The following RNF6 variants were observed in gnomAD, a reference collection of about 807,000 sequenced individuals.
RNF6 encodes E3 ubiquitin-protein ligase RNF6.
RNF6 carries 21 observed loss-of-function variants against 50.1 expected under a neutral mutation model. That is an observed-to-expected ratio of 0.42 (90% CI 0.30 to 0.60). The LOEUF is 0.60. Ranked by LOEUF, RNF6 falls within the 20% of genes least tolerant of loss-of-function variation. The probability of loss-of-function intolerance (pLI) is 0.20; values close to 1 mark genes in which losing one functional copy is unlikely to be tolerated. For missense variants in RNF6, 698 were observed against 838.2 expected (o/e 0.83, Z 2.07); for synonymous variants, 255 against 291.8 (o/e 0.87, Z 1.29).
chr13:26,167,915 G>A (rs1307407650), intron 5 of RNF6, among the ~76,000 whole-genome samples: 1 of 152,120 alleles, frequency 6.6e-6, no homozygotes, highest in Admixed American at 6.5e-5. Context: ...TGGAACTGAA[G>A]GCTATTATCC....
At chr13:26,143,926 A>T (rs1325529231) in intron 5 of RNF6, among the ~76,000 whole-genome samples, 1 of 152,192 alleles carries the variant, frequency 6.6e-6, no homozygotes, top group African/African-American at 2.4e-5. Flanking sequence ...CACAGATGGT[A>T]GTTTTGGCAG....
chr13:26,151,991 C>T (rs1209250277), intron 5 of RNF6, among the ~76,000 whole-genome samples: 1 of 152,124 alleles, frequency 6.6e-6, no homozygotes, highest in Non-Finnish European at 1.5e-5. Flanking sequence ...ACTGCCACTG[C>T]CTTCTCACTG....
chr13:26,202,674 C>T (rs1868940539), intron 5 of RNF6, among the ~76,000 whole-genome samples: 1 of 152,046 alleles, frequency 6.6e-6, no homozygotes, highest in Non-Finnish European at 1.5e-5. Context: ...TTAACTGATC[C>T]CCAGAAGAAC....
intron 5 of RNF6, among the ~76,000 whole-genome samples, chr13:26,172,938 A>C (rs1240117072): frequency 6.6e-6 from 1 of 152,214 alleles, no homozygotes; most frequent in Non-Finnish European, 1.5e-5. Context: ...AATTACTAAA[A>C]AAAAATAGAA....
intron 5 of RNF6, among the ~76,000 whole-genome samples, chr13:26,187,002 C>A (rs911248098): frequency 6.6e-6 from 1 of 152,124 alleles, no homozygotes; most frequent in Non-Finnish European, 1.5e-5. Context: ...TGGTCTCGAT[C>A]TCCTGACTTC....
rs1872830264 is a variant in RNF6 at position 26,174,012 on chromosome 13, GT to G, written n.768+41461del. ...CAAATATAACAAAATGTTAAAAGTTGTTTATTCTTAATGGTGAGAATATGAG... is the reference window on the plus strand; with the variant it reads ...CAAATATAACAAAATGTTAAAAGTTGTTATTCTTAATGGTGAGAATATGAG... On this transcript the variant is annotated intron_variant and non_coding_transcript_variant, in intron 5 of 5. Transcript: ENST00000468480. 2.0e-5 allele frequency among the ~76,000 whole-genome samples: 3 copies of G among 151,630 alleles called. No homozygotes were observed. In the South Asian group the frequency reaches 6.2e-4, roughly 32 times the overall value.
At chr13:26,148,673 A>ATATATAT (rs1871394576) in intron 5 of RNF6, among the ~76,000 whole-genome samples, 8 of 47,108 alleles carry the variant, frequency 1.7e-4, no homozygotes, top group African/African-American at 4.1e-4. Flanking sequence ...TATATATATG[A>ATATATAT]GGGAGATATA....
At chr13:26,211,923 G>A (rs1869343532), downstream of RNF6, among the ~76,000 whole-genome samples, 1 of 152,134 alleles carries the variant, frequency 6.6e-6, no homozygotes. Flanking sequence ...CCTCCACCTA[G>A]GTGATTCTCT....
At chr13:26,164,624 G>A (rs1192229037) in intron 5 of RNF6, among the ~76,000 whole-genome samples, 1 of 151,690 alleles carries the variant, frequency 6.6e-6, no homozygotes, top group Admixed American at 6.6e-5. Flanking sequence ...ATCATGTTCA[G>A]TATAAACCAC....
chr13:26,166,835 A>T (rs983877528), intron 5 of RNF6, among the ~76,000 whole-genome samples: 1 of 152,108 alleles, frequency 6.6e-6, no homozygotes, highest in African/African-American at 2.4e-5. Context: ...CATGAGAACC[A>T]CTTGAAACCA....
At chr13:26,137,415 C>CA (rs1414268832) in intron 5 of RNF6, among the ~76,000 whole-genome samples, 2 of 150,722 alleles carry the variant, frequency 1.3e-5, no homozygotes, top group African/African-American at 2.4e-5. Context: ...CACTTTTCTA[C>CA]AAAAAAAATT....
chr13:26,197,988 G>C (rs1047562002), intron 5 of RNF6, among the ~76,000 whole-genome samples: 1 of 151,570 alleles, frequency 6.6e-6, no homozygotes, highest in Non-Finnish European at 1.5e-5. Context: ...AAGATAATTA[G>C]AAAATGTTTT....
chr13:26,167,657 C>T (rs1278368764), intron 5 of RNF6, among the ~76,000 whole-genome samples: 2 of 152,134 alleles, frequency 1.3e-5, no homozygotes, highest in African/African-American at 4.8e-5. Flanking sequence ...CCTTAAAGAG[C>T]TAAAAACAGA....
intron 2 of RNF6, 45 bp from the exon 3 acceptor site, chr13:26,219,712 C>A: frequency 1.3e-6 from 2 of 1,484,080 alleles, no homozygotes; most frequent in South Asian, 2.7e-5. Context: ...AAGTCATGGA[C>A]CACATTTGGC....
downstream of RNF6, among the ~76,000 whole-genome samples, chr13:26,212,411 G>T (rs527553017): frequency 6.6e-6 from 1 of 152,244 alleles, no homozygotes; most frequent in Non-Finnish European, 1.5e-5. Context: ...TCCTGGGCAT[G>T]CATCTAACCT....
Position 26,214,206 on chromosome 13 carries a change from T to C in RNF6, c.1676A>G (p.His559Arg). The C allele has an allele frequency of 6.2e-7, 1 of 1,614,214 alleles. No homozygotes were observed. Among genetic ancestry groups the C allele is most frequent in the Non-Finnish European group, 8.5e-7 (1 of 1,180,026 alleles). Reference protein sequence around the residue: ...MHGENETTQPHTRNSDSRGGR... With the variant: ...MHGENETTQPRTRNSDSRGGR... ...ACCCCTACTGTCACTGTTTCGAGTA[T>C]GAGGCTGGGTGGTCTCGTTTTCACC... The change falls in exon 5 of 5, where the codon CAT becomes CGT. Residue 559 changes from histidine (H) to arginine (R), a missense_variant. By Grantham distance (29) the His-to-Arg change is conservative (BLOSUM62 0). Transcript: ENST00000381588.
chr13:26,173,121 C>T (rs1352626327), intron 5 of RNF6, among the ~76,000 whole-genome samples: 1 of 152,160 alleles, frequency 6.6e-6, no homozygotes, highest in Non-Finnish European at 1.5e-5. Flanking sequence ...TAGAAACCGG[C>T]AGAGTACACA....
chr13:26,134,678 T>C (rs1279518308), intron 5 of RNF6, among the ~76,000 whole-genome samples: 2 of 152,176 alleles, frequency 1.3e-5, no homozygotes, highest in African/African-American at 2.4e-5. Flanking sequence ...GTAGGTTTTT[T>C]CTTTATATAA....
intron 5 of RNF6, among the ~76,000 whole-genome samples, chr13:26,204,511 A>AG (rs1869024527): frequency 6.6e-6 from 1 of 151,172 alleles, no homozygotes; most frequent in Admixed American, 6.6e-5. Context: ...AAAAAAAAAA[A>AG]AAAAGAAAGA....
Sources: gnomAD v4.1 joint callset for allele counts (sites outside exome capture counted in the v4.1 genomes callset) on GRCh38, gnomAD v4.1.1 for gene constraint, MANE v1.5 for transcripts, NCBI Gene and HGNC (gene_info 2026-07-23, HGNC 2026-07-21) for gene names.